The following SLC10A7 variants were observed in gnomAD, a reference collection of about 807,000 sequenced individuals.
SLC10A7 encodes the protein solute carrier family 10 member 7.
Under a neutral mutation model 43.2 loss-of-function variants are expected in SLC10A7, and 29 were observed. The ratio of observed to expected loss-of-function variants is 0.67; its 90% CI spans 0.50 to 0.92. The LOEUF (loss-of-function observed/expected upper bound fraction) is 0.92. Among genes scored for constraint, SLC10A7 ranks in the 40% least tolerant of loss-of-function variants. The probability of loss-of-function intolerance (pLI) is 0.00; values close to 1 mark genes in which losing one functional copy is unlikely to be tolerated. For missense variants in SLC10A7, 295 were observed against 403.2 expected (o/e 0.73, Z 2.30); for synonymous variants, 152 against 144.8 (o/e 1.05, Z -0.35).
At chr4:146,452,209 C>T (rs909730864) in intron 4 of SLC10A7, among the ~76,000 whole-genome samples, 20 of 151,982 alleles carry the variant, frequency 1.3e-4, no homozygotes, top group African/African-American at 4.8e-4. Flanking sequence ...TTGCATATGA[C>T]ATCATTGAAA....
chr4:146,353,552 T>C (rs1277332102), intron 5 of SLC10A7, among the ~76,000 whole-genome samples: 1 of 30,356 alleles, frequency 3.3e-5, no homozygotes, highest in African/African-American at 1.6e-4. Flanking sequence ...CCAGCATCAT[T>C]CTGATACCAA....
chr4:146,328,095 C>T (rs895582789), intron 5 of SLC10A7, among the ~76,000 whole-genome samples: 6 of 152,164 alleles, frequency 3.9e-5, no homozygotes, highest in African/African-American at 1.4e-4. Flanking sequence ...GAAGCCCACC[C>T]TGCCTGTTGC....
At chr4:146,503,415 A>G (rs564253565) in intron 4 of SLC10A7, among the ~76,000 whole-genome samples, 11 of 152,118 alleles carry the variant, frequency 7.2e-5, no homozygotes, top group Non-Finnish European at 1.5e-4. Context: ...AACCTAACCT[A>G]ATTTCTTCTT....
At chr4:146,326,118 G>A in intron 5 of SLC10A7, 122 bp from the exon 6 acceptor site, 3 of 749,828 alleles carry the variant, frequency 4.0e-6, no homozygotes, top group Middle Eastern at 2.4e-4. Context: ...ATAAAATCTA[G>A]GAGATAAAGA....
At chr4:146,465,795 A>C (rs886143283) in intron 4 of SLC10A7, among the ~76,000 whole-genome samples, 1 of 152,220 alleles carries the variant, frequency 6.6e-6, no homozygotes, top group Admixed American at 6.5e-5. Context: ...TAAAGATCGC[A>C]GTTTAACTGA....
chr4:146,280,396 C>T (rs1361082248), intron 10 of SLC10A7, among the ~76,000 whole-genome samples: 3 of 152,166 alleles, frequency 2.0e-5, no homozygotes, highest in Admixed American at 2.0e-4. Context: ...GATGTTCTTG[C>T]ATTTCCATGC....
chr4:146,351,294 G>T (rs969991267), intron 5 of SLC10A7, among the ~76,000 whole-genome samples: 1 of 150,550 alleles, frequency 6.6e-6, no homozygotes, highest in Non-Finnish European at 1.5e-5. Context: ...AATGGAAGAT[G>T]AAATGAATGA....
At chr4:146,457,198 T>G (rs550549080) in intron 4 of SLC10A7, among the ~76,000 whole-genome samples, 21 of 152,056 alleles carry the variant, frequency 1.4e-4, no homozygotes, top group Admixed American at 6.6e-4. Context: ...TCTTTTGATT[T>G]TTATCCAAAC....
intron 5 of SLC10A7, among the ~76,000 whole-genome samples, chr4:146,333,190 G>A (rs1733652969): frequency 6.6e-6 from 1 of 152,048 alleles, no homozygotes; most frequent in Admixed American, 6.6e-5. Context: ...AAAAAAGTGT[G>A]ATTTTTTTCA....
chr4:146,330,413 GATACTGC>G (rs1733449578), intron 5 of SLC10A7, among the ~76,000 whole-genome samples: 2 of 152,250 alleles, frequency 1.3e-5, no homozygotes, highest in African/African-American at 4.8e-5. Flanking sequence ...TTGTCTCCAG[GATACTGC>G]ATTAACTCAG....
In SLC10A7 at chr4:146,521,483, A is replaced by C. The variant is rs189668431; in HGVS notation, c.100+135T>G. 153 of 682,604 alleles carry C rather than the reference A, an allele frequency of 2.2e-4. 1 individual carries two copies. The East Asian group carries it at 4.2e-3, about 19-fold the overall frequency. 42.3% of individuals were successfully genotyped at this position (682,604 alleles called of 1,614,324 possible). A position where few individuals can be genotyped will look rare whatever the true frequency, so the allele number is the denominator to read the frequency against. On this transcript the variant is annotated intron_variant, in intron 1 of 11. Transcript: ENST00000335472. ...GGGGTTGGTAAATTAGAAAATCAGC[A>C]AAAGGGCCAAAGGCTGGTCAGTGCC...
chr4:146,254,653 G>A lies in SLC10A7; in HGVS notation c.*1838C>T, dbSNP rs1465521575. 1 of 152,154 alleles carries A rather than the reference G, an allele frequency of 6.6e-6. No homozygotes were observed. Among genetic ancestry groups the A allele is most frequent in the African/African-American group, 2.4e-5 (1 of 41,440 alleles). The allele number at this position is 152,154 out of a possible 1,614,324, so 9.4% of individuals were successfully genotyped here. On this transcript the variant is annotated 3_prime_UTR_variant, in exon 12 of 12. Transcript: ENST00000335472. ...TTAGACAATAGAGGTAGATAAGTTGGGGGCGGGGATCAGTATTTTAATGTT... is the reference window on the plus strand; with the variant it reads ...TTAGACAATAGAGGTAGATAAGTTGAGGGCGGGGATCAGTATTTTAATGTT...
At chr4:146,449,318 A>G (rs1397075161) in intron 4 of SLC10A7, among the ~76,000 whole-genome samples, 1 of 152,194 alleles carries the variant, frequency 6.6e-6, no homozygotes, top group East Asian at 1.9e-4. Flanking sequence ...GACAAAGTAT[A>G]TCTAAATTCT....
chr4:146,384,954 T>G (rs1737887124), intron 5 of SLC10A7, among the ~76,000 whole-genome samples: 1 of 152,128 alleles, frequency 6.6e-6, no homozygotes, highest in Admixed American at 6.6e-5. Context: ...CTTTAAATTA[T>G]GGGTCTATCT....
intron 2 of SLC10A7, among the ~76,000 whole-genome samples, chr4:146,513,652 C>CT (rs966687631): frequency 6.6e-6 from 1 of 152,184 alleles, no homozygotes; most frequent in Admixed American, 6.5e-5. Context: ...ACCATGTTGG[C>CT]TCATAAGGGG....
At chr4:146,452,559 T>C (rs1384730113) in intron 4 of SLC10A7, among the ~76,000 whole-genome samples, 1 of 152,110 alleles carries the variant, frequency 6.6e-6, no homozygotes, top group Non-Finnish European at 1.5e-5. Context: ...CCAATTATGA[T>C]TGACTTTCTC....
chr4:146,465,750 T>G (rs1732967263), intron 4 of SLC10A7, among the ~76,000 whole-genome samples: 1 of 152,162 alleles, frequency 6.6e-6, no homozygotes, highest in Admixed American at 6.6e-5. Flanking sequence ...AAGATCTCTG[T>G]GGCTGCTTCC....
At chr4:146,348,359 T>A (rs745600527) in intron 5 of SLC10A7, among the ~76,000 whole-genome samples, 76 of 152,196 alleles carry the variant, frequency 5.0e-4, no homozygotes, top group Non-Finnish European at 5.1e-4. Context: ...AAGCTTTCAC[T>A]GGGATTTCAA....
intron 6 of SLC10A7, among the ~76,000 whole-genome samples, chr4:146,307,014 G>C (rs1360569971): frequency 6.6e-6 from 1 of 152,148 alleles, no homozygotes; most frequent in East Asian, 1.9e-4. Flanking sequence ...AATGATGATT[G>C]AGGGTACAGA....
Sources: allele counts gnomAD v4.1 joint callset (sites outside exome capture counted in the v4.1 genomes callset), GRCh38; gene constraint gnomAD v4.1.1; transcripts MANE v1.5; gene names NCBI Gene and HGNC (gene_info 2026-07-23, HGNC 2026-07-21).